The following BIRC2 variants were observed in gnomAD, a reference collection of about 807,000 sequenced individuals.
BIRC2 encodes the protein baculoviral IAP repeat-containing protein 2.
Under a neutral mutation model 60.9 loss-of-function variants are expected in BIRC2, and 18 were observed. The ratio of observed to expected loss-of-function variants is 0.30; its 90% confidence interval spans 0.20 to 0.44. BIRC2 has a LOEUF of 0.44. BIRC2 is among the 20% of genes least tolerant of loss of function. The pLI is 1.00. For synonymous variants in BIRC2, 282 were observed against 247.7 expected (o/e 1.14, Z -1.30); for missense variants, 701 against 728.5 (o/e 0.96, Z 0.43).
At position 102,349,888 on chromosome 11, in the gene BIRC2, GGTCCCTC is replaced by G. The variant is rs774638480; in HGVS notation, c.37_43del (p.Pro13IlefsTer7). On this transcript the variant is annotated frameshift_variant, in exon 2 of 9. Coordinates refer to ENST00000227758, the MANE Select transcript of BIRC2 (RefSeq NM_001166.5). LOFTEE classifies it high-confidence loss of function. ...AACTGCCTCCCAAAGACTTTTCCCA[GGTCCCTC>G]GTATCAAAACATTAAGAGTATAATG... is the stretch of plus-strand genomic sequence containing the variant. The G allele has an allele frequency of 5.6e-6, 9 of 1,611,612 alleles. No homozygotes were observed. The highest frequency in any genetic ancestry group is 7.6e-6 in the Non-Finnish European group (9 of 1,178,448).
intron 5 of BIRC2, among the ~76,000 whole-genome samples, chr11:102,366,145 C>T (rs537129752): frequency 3.3e-5 from 5 of 152,226 alleles, no homozygotes; most frequent in East Asian, 1.9e-4. Context: ...ATGACCAAAC[C>T]GGAAATTTTC....
intron 6 of BIRC2, among the ~76,000 whole-genome samples, chr11:102,377,239 T>A (rs1215212450): frequency 6.6e-6 from 1 of 152,194 alleles, no homozygotes; most frequent in Non-Finnish European, 1.5e-5. Context: ...TTTTACTGTC[T>A]TCTACAAATC....
chr11:102,365,297 C>T (rs1337069073), intron 5 of BIRC2, among the ~76,000 whole-genome samples: 1 of 152,276 alleles, frequency 6.6e-6, no homozygotes, highest in East Asian at 1.9e-4. Flanking sequence ...CTGAATCACT[C>T]ATGTTAGCAT....
rs780263765 is a variant in BIRC2, at chr11:102,377,531, C to T, written c.1402C>T (p.Leu468Phe). 4 of 1,600,458 alleles carry T rather than the reference C, an allele frequency of 2.5e-6. No individual in the cohort carries two copies. The highest frequency in any genetic ancestry group is 3.4e-6 in the Non-Finnish European group (4 of 1,176,794). The change falls in exon 7 of 9, where the codon CTC (leucine) becomes TTC (phenylalanine). Residue 468 changes from leucine to phenylalanine, a missense_variant. This residue lies in a region of BIRC2 where 235 missense variants were observed against 208.9 expected (regional missense o/e 1.12). Coordinates refer to ENST00000227758, the MANE Select transcript of BIRC2 (RefSeq NM_001166.5). ...ATTAATTCGGAAGAACAGAATGGCT[C>T]TCTTTCAACAATTGACATGTGTGCT... is the stretch of plus-strand genomic sequence containing the variant. The part of the protein sequence containing the change: ...LSLIRKNRMA[L>F]FQQLTCVLPI...
In BIRC2 at chr11:102,350,447, T is replaced by C; in HGVS notation, c.593T>C (p.Phe198Ser). The C allele has an allele frequency of 1.2e-6, 2 of 1,614,206 alleles. No homozygotes were observed. Reference sequence around the variant, plus strand: ...ACCTACCATATGTGGCCATTAACTTTTTTGTCACCATCAGAATTGGCAAGA... The same window carrying C: ...ACCTACCATATGTGGCCATTAACTTCTTTGTCACCATCAGAATTGGCAAGA... ...FLTYHMWPLTFLSPSELARAG... is the reference protein window; with the variant it reads ...FLTYHMWPLTSLSPSELARAG... The change falls in exon 2 of 9, where the codon TTT becomes TCT. Residue 198 changes from phenylalanine (F) to serine (S), a missense_variant. By Grantham distance (155) the Phe-to-Ser change is radical. Transcript: ENST00000227758.
At position 102,372,863 on chromosome 11, in the gene BIRC2, C is replaced by T. The variant is rs568801290; in HGVS notation, c.1366+4315C>T. On this transcript the variant is annotated intron_variant, in intron 6 of 8. Transcript: ENST00000227758. ...AATCTGGGTGCTCCTGTATTGGGTG[C>T]ATATATATTTAGGATAGTTAGCTCT... Among the ~76,000 whole-genome samples the T allele has an allele frequency of 7.1e-5, 9 of 127,266 alleles. No individual in the cohort carries two copies. The South Asian group carries it at 2.2e-3, about 32-fold the overall frequency. 83.5% of individuals were successfully genotyped at this position (127,266 alleles called of 152,430 possible). A position where few individuals can be genotyped will look rare whatever the true frequency, so the allele number is the denominator to read the frequency against.
chr11:102,372,445 G>T (rs962240782), intron 6 of BIRC2, among the ~76,000 whole-genome samples: 27 of 152,162 alleles, frequency 1.8e-4, no homozygotes, highest in African/African-American at 6.3e-4. Flanking sequence ...TCATTCAGGA[G>T]CAGGTTGTTC....
chr11:102,364,139 T>TTTTATATATATATATATA (rs1243245141), intron 5 of BIRC2, among the ~76,000 whole-genome samples: 2 of 61,418 alleles, frequency 3.3e-5, no homozygotes. Flanking sequence ...CTAATAAATA[T>TTTTATATATATATATATA]TATATATATA....
intron 5 of BIRC2, among the ~76,000 whole-genome samples, chr11:102,367,483 G>A (rs1364944164): frequency 6.6e-6 from 1 of 152,154 alleles, no homozygotes; most frequent in Admixed American, 6.6e-5. Flanking sequence ...ACGCGTGTTT[G>A]AACAAGAGGG....
intron 6 of BIRC2, among the ~76,000 whole-genome samples, chr11:102,376,076 C>T (rs927645522): frequency 6.6e-6 from 1 of 151,842 alleles, no homozygotes; most frequent in Non-Finnish European, 1.5e-5. Context: ...TGAAATCCAG[C>T]TAAGGTTATA....
intron 3 of BIRC2, among the ~76,000 whole-genome samples, chr11:102,361,887 A>G (rs538731581): frequency 2.3e-5 from 3 of 130,326 alleles, no homozygotes; most frequent in Admixed American, 8.3e-5. Flanking sequence ...TGGGCTAGTG[A>G]GTTCTTCCAG....
intron 6 of BIRC2, among the ~76,000 whole-genome samples, chr11:102,374,709 C>A (rs1156656455): frequency 6.6e-6 from 1 of 152,234 alleles, no homozygotes; most frequent in Non-Finnish European, 1.5e-5. Context: ...GTTCGAGTTC[C>A]TGGCTGCTTT....
chr11:102,361,756 AGC>A (rs1951487733), intron 3 of BIRC2, among the ~76,000 whole-genome samples: 1 of 151,984 alleles, frequency 6.6e-6, no homozygotes, highest in Non-Finnish European at 1.5e-5. Flanking sequence ...TGATACAGGT[AGC>A]CCTCACCCCT....
At chr11:102,368,092 G>A (rs569182200) in intron 5 of BIRC2, among the ~76,000 whole-genome samples, 88 of 152,314 alleles carry the variant, frequency 5.8e-4, no homozygotes, top group African/African-American at 2.1e-3. Context: ...AGCCAGAGAG[G>A]TGGGTTTTGT....
At chr11:102,363,015 T>C (rs2509319) in intron 4 of BIRC2, 41 bp downstream of exon 4, 72,542 of 1,409,394 alleles carry the variant, frequency 0.051, 2,210 homozygotes, top group African/African-American at 0.11. Flanking sequence ...AATTCTGCTT[T>C]ATAATAACAA....
chr11:102,376,970 C>G (rs1026747768), intron 6 of BIRC2, among the ~76,000 whole-genome samples: 1 of 151,840 alleles, frequency 6.6e-6, no homozygotes, highest in Admixed American at 6.6e-5. Context: ...TACAATACCA[C>G]GTCTTAAGTA....
At chr11:102,350,819 A>C (rs764235448) in intron 2 of BIRC2, 25 bp from the exon 3 acceptor site, 1 of 1,611,728 alleles carries the variant, frequency 6.2e-7, no homozygotes, top group East Asian at 2.2e-5. Flanking sequence ...CGTGTTTTCA[A>C]TATTTAGTCT....
Position 102,378,363 on chromosome 11 carries a change from A to G in BIRC2, c.*180A>G. ...AGATGGTATCATATATTTAATCTTA[A>G]TCTGTTTATTTACAAGGGAAGATTT... On this transcript the variant is annotated 3_prime_UTR_variant, in exon 9 of 9. Coordinates refer to ENST00000227758, the MANE Select transcript of BIRC2 (RefSeq NM_001166.5). 1.9e-6 allele frequency: 1 copy of G among 519,704 alleles called. No individual in the cohort carries two copies. Among genetic ancestry groups the G allele is most frequent in the South Asian group, 3.6e-5 (1 of 27,444 alleles). The allele number at this position is 519,704 out of a possible 1,614,324, so 32.2% of individuals were successfully genotyped here.
In BIRC2 at chr11:102,377,693, A is replaced by G. The variant is rs1320317874; in HGVS notation, c.1564A>G (p.Asn522Asp). 6.2e-7 allele frequency: 1 copy of G among 1,610,596 alleles called. No individual in the cohort carries two copies. Among genetic ancestry groups the G allele is most frequent in the Non-Finnish European group, 8.5e-7 (1 of 1,179,218 alleles). Residue 522 changes from asparagine (N) to aspartate (D), a missense_variant, in exon 7 of 9, where the codon AAC becomes GAC. By Grantham distance (23) the Asn-to-Asp change is conservative. This residue lies in a region of BIRC2 where 235 missense variants were observed against 208.9 expected (regional missense o/e 1.12). Transcript: ENST00000227758. ...TTTGGTTAAAGGAAATGCTGCGGCC[A>G]ACATCTTCAAAAACTGTCTAAAAGA... ...TILVKGNAAA[N>D]IFKNCLKEID...
Sources: allele counts gnomAD v4.1 joint callset (sites outside exome capture counted in the v4.1 genomes callset), GRCh38; gene constraint gnomAD v4.1.1; regional missense constraint gnomAD v4.1.1; transcripts MANE v1.5; gene names NCBI Gene and HGNC (gene_info 2026-07-23, HGNC 2026-07-21).